Variants in RGS7 observed in about 807,000 individuals in gnomAD.
RGS7 encodes regulator of G-protein signaling 7.
RGS7 carries 27 observed loss-of-function variants against 81.1 expected under a neutral mutation model. The observed-to-expected ratio is 0.33, with a 90% CI of 0.25 to 0.46. The LOEUF is 0.46. RGS7 is among the 20% of genes least tolerant of loss of function. The probability of loss-of-function intolerance (pLI) is 1.00; values close to 1 mark genes in which losing one functional copy is unlikely to be tolerated. For missense variants in RGS7, 396 were observed against 607.4 expected, an observed-to-expected ratio of 0.65 and a Z score of 3.66; for synonymous variants, 208 against 207.7, an observed-to-expected ratio of 1.00 and a Z score of -0.01.
At chr1:241,143,423 C>T (rs186603785) in intron 2 of RGS7, among the ~76,000 whole-genome samples, 74 of 152,294 alleles carry the variant, frequency 4.9e-4, no homozygotes, top group Admixed American at 1.2e-3. Context: ...GCCTCACAAT[C>T]ATGGCAGAAG....
chr1:241,135,773 C>T (rs1306194527), intron 2 of RGS7, among the ~76,000 whole-genome samples: 6 of 151,998 alleles, frequency 3.9e-5, no homozygotes, highest in African/African-American at 1.2e-4. Flanking sequence ...ACTACAATGT[C>T]AGTGGCCTTT....
chr1:240,862,947 G>T (rs1662501778), intron 9 of RGS7, among the ~76,000 whole-genome samples: 1 of 151,232 alleles, frequency 6.6e-6, no homozygotes, highest in African/African-American at 2.4e-5. Context: ...GTGTGTGTGT[G>T]TGTGTGTGTT....
chr1:240,824,797 G>C (rs1362125857), intron 10 of RGS7, among the ~76,000 whole-genome samples: 1 of 152,222 alleles, frequency 6.6e-6, no homozygotes, highest in Non-Finnish European at 1.5e-5. Flanking sequence ...GTGGGTTATA[G>C]GGTGGGAACT....
chr1:240,811,450 C>A (rs1414234733), intron 14 of RGS7, among the ~76,000 whole-genome samples: 2 of 152,206 alleles, frequency 1.3e-5, no homozygotes, highest in East Asian at 1.9e-4. Flanking sequence ...TTTAAACATG[C>A]AAAGAGAATG....
chr1:241,028,466 C>T (rs964601094), intron 3 of RGS7, among the ~76,000 whole-genome samples: 5 of 152,256 alleles, frequency 3.3e-5, no homozygotes, highest in South Asian at 2.1e-4. Flanking sequence ...AGAGACAAGA[C>T]GCACAGTACA....
intron 2 of RGS7, among the ~76,000 whole-genome samples, chr1:241,252,188 C>A (rs1371499867): frequency 1.3e-5 from 2 of 151,884 alleles, no homozygotes; most frequent in Non-Finnish European, 2.9e-5. Flanking sequence ...GGATTACAGG[C>A]GCCCACCACC....
chr1:240,784,466 T>C (rs1394057988), intron 18 of RGS7, among the ~76,000 whole-genome samples: 5 of 150,500 alleles, frequency 3.3e-5, no homozygotes, highest in Non-Finnish European at 7.4e-5. Context: ...CAGTGAAACC[T>C]CGTCTCTACA....
At chr1:241,325,289 T>C (rs1221976671) in intron 2 of RGS7, among the ~76,000 whole-genome samples, 2 of 152,220 alleles carry the variant, frequency 1.3e-5, no homozygotes. Context: ...CCCTTTTCAA[T>C]GAATTCTTAT....
At chr1:241,002,594 G>A (rs1162102120) in intron 3 of RGS7, among the ~76,000 whole-genome samples, 1 of 152,094 alleles carries the variant, frequency 6.6e-6, no homozygotes, top group Non-Finnish European at 1.5e-5. Context: ...TAGATTTTAT[G>A]TATCTTTGTT....
chr1:241,278,584 G>A (rs924295488), intron 2 of RGS7, among the ~76,000 whole-genome samples: 5 of 152,128 alleles, frequency 3.3e-5, no homozygotes, highest in African/African-American at 9.7e-5. Context: ...CTTCACCACA[G>A]AGCTCACAAC....
intron 2 of RGS7, among the ~76,000 whole-genome samples, chr1:241,350,949 A>C (rs1032720581): frequency 6.6e-6 from 1 of 151,826 alleles, no homozygotes; most frequent in African/African-American, 2.4e-5. Flanking sequence ...AAATCAAGCC[A>C]CTCCTCTCTC....
chr1:241,260,531 AAG>A (rs1443299436), intron 2 of RGS7, among the ~76,000 whole-genome samples: 6 of 152,338 alleles, frequency 3.9e-5, no homozygotes, highest in African/African-American at 1.4e-4. Flanking sequence ...GATAAGGAAA[AAG>A]AGTAAGGTGT....
chr1:240,775,790 T>G lies in RGS7; in HGVS notation c.*430A>C. On this transcript the variant is annotated 3_prime_UTR_variant, in exon 19 of 19. Transcript: ENST00000440928. ...CACATGTATACTTATTGATATATAC[T>G]TTTTTCTTTTACAGTTCTTCCAGTT... 3.9e-6 allele frequency: 1 copy of G among 256,232 alleles called. No homozygotes were observed. The highest frequency in any genetic ancestry group is 5.3e-5 in the South Asian group (1 of 19,018). 15.9% of individuals were successfully genotyped at this position (256,232 alleles called of 1,614,324 possible).
intron 2 of RGS7, among the ~76,000 whole-genome samples, chr1:241,252,103 G>A (rs2076860234): frequency 6.6e-6 from 1 of 151,014 alleles, no homozygotes; most frequent in African/African-American, 2.4e-5. Flanking sequence ...GAGTGCAATG[G>A]TGTGACCTCG....
At chr1:240,991,519 G>A (rs1024250981) in intron 3 of RGS7, among the ~76,000 whole-genome samples, 5 of 152,120 alleles carry the variant, frequency 3.3e-5, no homozygotes, top group Admixed American at 6.5e-5. Flanking sequence ...TGGGAAATGC[G>A]GAGTTAAGAG....
Position 241,164,862 on chromosome 1 carries a change from A to C in RGS7, c.79-66100T>G, listed in dbSNP as rs1350107499. On this transcript the variant is annotated intron_variant, in intron 2 of 18. Transcript: ENST00000440928. The surrounding 1 kb of genome is among the most constrained non-coding windows in gnomAD (Gnocchi z 4.1). ...TCTAAATTTAGGGAACTATTCTCAG[A>C]ATTGCCCATAGGTCTTATATAATCT... is the stretch of plus-strand genomic sequence containing the variant. Among the ~76,000 whole-genome samples the C allele has an allele frequency of 6.6e-6, 1 of 152,208 alleles. No individual in the cohort carries two copies. The highest frequency in any genetic ancestry group is 2.4e-5 in the African/African-American group (1 of 41,444).
intron 6 of RGS7, among the ~76,000 whole-genome samples, chr1:240,919,361 A>G (rs187511152): frequency 4.3e-4 from 66 of 152,308 alleles, no homozygotes; most frequent in Admixed American, 5.2e-4. Context: ...CCAACAATGT[A>G]TAAAATATTA....
intron 6 of RGS7, among the ~76,000 whole-genome samples, chr1:240,898,906 G>A (rs1026895919): frequency 6.6e-6 from 1 of 152,164 alleles, no homozygotes; most frequent in African/African-American, 2.4e-5. Flanking sequence ...CATTATTACT[G>A]TGTGGGAGTC....
chr1:240,796,245 G>A (rs758170852), intron 18 of RGS7, among the ~76,000 whole-genome samples: 22 of 152,164 alleles, frequency 1.4e-4, no homozygotes, highest in Non-Finnish European at 1.5e-4. Flanking sequence ...TCCACAGTGG[G>A]CTTAGATAAA....
Sources: gnomAD v4.1 joint callset for allele counts (sites outside exome capture counted in the v4.1 genomes callset) on GRCh38, gnomAD v4.1.1 for gene constraint, Gnocchi (gnomAD v3.1) non-coding constraint, MANE v1.5 for transcripts, NCBI Gene and HGNC (gene_info 2026-07-23, HGNC 2026-07-21) for gene names.